The following ERC1 variants were observed in gnomAD, a reference collection of about 807,000 sequenced individuals.
ERC1 encodes ELKS/RAB6-interacting/CAST family member 1.
ERC1 carries 56 observed loss-of-function variants against 132.0 expected under a neutral mutation model. The ratio of observed to expected loss-of-function variants is 0.42; its 90% CI spans 0.34 to 0.53. The LOEUF is 0.53. Ranked by LOEUF, ERC1 falls within the 20% of genes least tolerant of loss-of-function variation. ERC1 has a pLI of 0.03. For missense variants in ERC1, 1,202 were observed against 1,349.9 expected (o/e 0.89, Z 1.72); for synonymous variants, 478 against 476.1 (o/e 1.00, Z -0.05).
intron 8 of ERC1, among the ~76,000 whole-genome samples, chr12:1,165,339 TC>T (rs1259211590): frequency 4.0e-5 from 6 of 151,516 alleles, no homozygotes; most frequent in Admixed American, 1.3e-4. Context: ...GGAGTCTCGC[TC>T]TGTTGCCCCG....
chr12:1,014,964 A>G (rs1395069402), intron 1 of ERC1, among the ~76,000 whole-genome samples: 2 of 151,432 alleles, frequency 1.3e-5, no homozygotes, highest in Non-Finnish European at 2.9e-5. Context: ...GGGTTTCACC[A>G]TGTTGGCTAG....
At chr12:1,161,234 C>T (rs530996830) in intron 8 of ERC1, among the ~76,000 whole-genome samples, 64 of 152,022 alleles carry the variant, frequency 4.2e-4, no homozygotes, top group Non-Finnish European at 7.5e-4. Context: ...GGCAAAAAAA[C>T]GAGGAATTTT....
chr12:1,155,347 A>G (rs1222008000), intron 8 of ERC1, among the ~76,000 whole-genome samples: 1 of 149,814 alleles, frequency 6.7e-6, no homozygotes, highest in Non-Finnish European at 1.5e-5. Context: ...AAGATTTATC[A>G]TTTCATCCAG....
At chr12:1,471,677 G>C (rs908944302) in intron 18 of ERC1, among the ~76,000 whole-genome samples, 1 of 152,136 alleles carries the variant, frequency 6.6e-6, no homozygotes. Context: ...GGGGTTACTT[G>C]GTCTCTCAGT....
At chr12:1,101,490 T>G (rs1330278571) in intron 3 of ERC1, among the ~76,000 whole-genome samples, 1 of 152,210 alleles carries the variant, frequency 6.6e-6, no homozygotes, top group African/African-American at 2.4e-5. Context: ...GCTGGAATTG[T>G]CTGTAAATAT....
intron 1 of ERC1, among the ~76,000 whole-genome samples, chr12:992,395 G>A (rs904883907): frequency 6.6e-6 from 1 of 152,170 alleles, no homozygotes; most frequent in Admixed American, 6.5e-5. Context: ...AAGTACAACC[G>A]TCTTTTATAG....
intron 1 of ERC1, among the ~76,000 whole-genome samples, chr12:1,004,996 T>C (rs1963300836): frequency 6.6e-6 from 1 of 152,180 alleles, no homozygotes; most frequent in East Asian, 1.9e-4. Flanking sequence ...GGGTTTCTTC[T>C]GAAGTAAGAA....
At chr12:1,031,312 T>A (rs1329169137) in intron 2 of ERC1, among the ~76,000 whole-genome samples, 1 of 152,230 alleles carries the variant, frequency 6.6e-6, no homozygotes, top group Non-Finnish European at 1.5e-5. Context: ...TCTATGCATA[T>A]ACACGTAACG....
intron 12 of ERC1, among the ~76,000 whole-genome samples, chr12:1,196,407 G>A (rs1179149300): frequency 6.6e-6 from 1 of 151,378 alleles, no homozygotes; most frequent in South Asian, 2.1e-4. Flanking sequence ...AATGCAGTTT[G>A]TTTAGTTATA....
At chr12:995,136 A>G (rs1046684356) in intron 1 of ERC1, among the ~76,000 whole-genome samples, 5 of 151,808 alleles carry the variant, frequency 3.3e-5, no homozygotes, top group African/African-American at 1.2e-4. Flanking sequence ...ATGTGCCTAT[A>G]GTCTCAGCTA....
intron 13 of ERC1, among the ~76,000 whole-genome samples, chr12:1,250,290 T>C (rs1348777252): frequency 6.6e-6 from 1 of 152,236 alleles, no homozygotes; most frequent in Admixed American, 6.5e-5. Flanking sequence ...TTAACTTTTG[T>C]TGATGAACTC....
At chr12:994,964 C>T (rs1452826706) in intron 1 of ERC1, among the ~76,000 whole-genome samples, 2 of 151,986 alleles carry the variant, frequency 1.3e-5, no homozygotes, top group African/African-American at 4.8e-5. Context: ...GGGGTGGTGG[C>T]GCGTGCCTGG....
At chr12:1,203,160 C>T (rs371344285) in intron 12 of ERC1, among the ~76,000 whole-genome samples, 1 of 152,178 alleles carries the variant, frequency 6.6e-6, no homozygotes, top group Non-Finnish European at 1.5e-5. Flanking sequence ...CTGGTTCAAC[C>T]GATTCTTGTG....
chr12:1,204,536 A>G (rs756990737), intron 12 of ERC1: 11 of 1,585,888 alleles, frequency 6.9e-6, no homozygotes, highest in Non-Finnish European at 9.4e-6. Context: ...CACTAAAACA[A>G]AGATGATGTG....
At chr12:1,394,015 CA>C (rs1216337061) in intron 16 of ERC1, among the ~76,000 whole-genome samples, 223 of 26,908 alleles carry the variant, frequency 8.3e-3, no homozygotes, top group African/African-American at 0.019. Flanking sequence ...GACTCCGTCT[CA>C]AAAAAAAAAA....
chr12:1,191,930 T>C (rs1955777902), intron 12 of ERC1, among the ~76,000 whole-genome samples: 1 of 152,184 alleles, frequency 6.6e-6, no homozygotes, highest in Non-Finnish European at 1.5e-5. Context: ...TAACATAGTT[T>C]AAGATGCTGA....
At chr12:1,318,200 A>G (rs753502976) in intron 15 of ERC1, among the ~76,000 whole-genome samples, 4 of 152,178 alleles carry the variant, frequency 2.6e-5, no homozygotes, top group Non-Finnish European at 5.9e-5. Context: ...CTTCACAAAA[A>G]CTAAATCTGA....
At chr12:1,476,669 T>C (rs2093980599) in intron 18 of ERC1, among the ~76,000 whole-genome samples, 1 of 152,166 alleles carries the variant, frequency 6.6e-6, no homozygotes, top group Non-Finnish European at 1.5e-5. Context: ...GGCACCCTTA[T>C]TTCTTGCTTA....
intron 18 of ERC1, among the ~76,000 whole-genome samples, chr12:1,488,406 A>G (rs534351460): frequency 5.3e-5 from 8 of 151,800 alleles, no homozygotes; most frequent in East Asian, 2.0e-4. Flanking sequence ...AAACAGCCCT[A>G]TAAGGTAGGG....
Sources: allele counts gnomAD v4.1 joint callset (sites outside exome capture counted in the v4.1 genomes callset), GRCh38; gene constraint gnomAD v4.1.1; transcripts MANE v1.5; gene names NCBI Gene and HGNC (gene_info 2026-07-23, HGNC 2026-07-21).